MCPH1: variants seen among roughly 807,000 people sequenced by gnomAD.
The protein encoded by MCPH1 is microcephalin.
MCPH1 carries 104 observed loss-of-function variants against 84.5 expected under a neutral mutation model. The ratio of observed to expected loss-of-function variants is 1.23; its 90% CI spans 1.05 to 1.45. The LOEUF is 1.45. Ranked by LOEUF, MCPH1 falls within the 40% of genes most tolerant of loss-of-function variation. The probability of loss-of-function intolerance (pLI) is 0.00; values close to 1 mark genes in which losing one functional copy is unlikely to be tolerated. For synonymous variants in MCPH1, 514 were observed against 366.8 expected, an observed-to-expected ratio of 1.40 and a Z score of -4.58; for missense variants, 1,498 against 1,005.7, an observed-to-expected ratio of 1.49 and a Z score of -6.62.
chr8:6,639,672 A>G (rs1797796398), intron 13 of MCPH1, among the ~76,000 whole-genome samples: 1 of 152,118 alleles, frequency 6.6e-6, no homozygotes, highest in African/African-American at 2.4e-5. Context: ...CTTTAAAAAA[A>G]AAAAAAAACA....
intron 12 of MCPH1, among the ~76,000 whole-genome samples, chr8:6,554,728 G>C (rs1824286314): frequency 1.3e-5 from 2 of 152,172 alleles, no homozygotes. Flanking sequence ...TTTGGAGAAA[G>C]TAATTACCAT....
intron 12 of MCPH1, among the ~76,000 whole-genome samples, chr8:6,573,569 A>C (rs913410867): frequency 2.0e-5 from 3 of 152,236 alleles, no homozygotes; most frequent in Admixed American, 2.0e-4. Context: ...AATCCTGTGA[A>C]CTATTAAAGA....
intron 12 of MCPH1, among the ~76,000 whole-genome samples, chr8:6,595,460 G>C (rs1443297167): frequency 6.6e-6 from 1 of 152,192 alleles, no homozygotes; most frequent in African/African-American, 2.4e-5. Flanking sequence ...GTGTTCCCTG[G>C]AGAGGGAGCT....
chr8:6,618,333 T>C (rs920608015), intron 12 of MCPH1: 1 of 152,176 alleles, frequency 6.6e-6, no homozygotes, highest in African/African-American at 2.4e-5. Context: ...GGTGCTTTAT[T>C]TGCTGGATAG....
At chr8:6,488,919 C>T (rs1236812394) in intron 11 of MCPH1, among the ~76,000 whole-genome samples, 1 of 151,510 alleles carries the variant, frequency 6.6e-6, no homozygotes, top group South Asian at 2.1e-4. Flanking sequence ...GAGAGCAGGT[C>T]GGCGCCCTTC....
intron 12 of MCPH1, among the ~76,000 whole-genome samples, chr8:6,534,549 G>A (rs1007413103): frequency 2.5e-4 from 38 of 152,238 alleles, no homozygotes; most frequent in African/African-American, 7.0e-4. Flanking sequence ...GACTACGAGC[G>A]TGAGCCAGCA....
chr8:6,459,934 G>A (rs1467736220), intron 9 of MCPH1, among the ~76,000 whole-genome samples: 1 of 152,220 alleles, frequency 6.6e-6, no homozygotes, highest in Non-Finnish European at 1.5e-5. Flanking sequence ...GCCCGGGGAT[G>A]GATGCAGAAC....
intron 12 of MCPH1, among the ~76,000 whole-genome samples, chr8:6,572,856 C>G (rs762447538): frequency 6.6e-6 from 1 of 152,238 alleles, no homozygotes; most frequent in African/African-American, 2.4e-5. Context: ...AGCCCCCACA[C>G]GGGAAGCCTC....
chr8:6,624,736 A>T (rs1419246968), intron 13 of MCPH1, among the ~76,000 whole-genome samples: 2 of 152,190 alleles, frequency 1.3e-5, no homozygotes, highest in Admixed American at 6.5e-5. Flanking sequence ...GCCGCTATGT[A>T]CAAATAAAGG....
intron 12 of MCPH1, among the ~76,000 whole-genome samples, chr8:6,608,967 G>T (rs1276168756): frequency 1.3e-5 from 2 of 152,206 alleles, no homozygotes; most frequent in Admixed American, 6.5e-5. Flanking sequence ...GCTAGGATGA[G>T]CTTCTCCTCT....
At chr8:6,556,791 G>T (rs903370627) in intron 12 of MCPH1, among the ~76,000 whole-genome samples, 1 of 151,966 alleles carries the variant, frequency 6.6e-6, no homozygotes, top group African/African-American at 2.4e-5. Context: ...GTCTCACTCT[G>T]TTGACCAGGC....
At chr8:6,410,110 C>G (rs1291302781) in intron 2 of MCPH1, among the ~76,000 whole-genome samples, 2 of 151,934 alleles carry the variant, frequency 1.3e-5, no homozygotes, top group African/African-American at 2.4e-5. Flanking sequence ...TCTGGGACTA[C>G]AGGCACATGC....
intron 13 of MCPH1, among the ~76,000 whole-genome samples, chr8:6,637,126 T>C (rs1401159198): frequency 6.6e-6 from 1 of 152,250 alleles, no homozygotes; most frequent in Non-Finnish European, 1.5e-5. Context: ...AGATATTTCC[T>C]ACACACTCGT....
At chr8:6,627,651 G>A (rs1473214267) in intron 13 of MCPH1, among the ~76,000 whole-genome samples, 1 of 152,168 alleles carries the variant, frequency 6.6e-6, no homozygotes, top group Non-Finnish European at 1.5e-5. Flanking sequence ...AGCACTTTAG[G>A]AGGCCGAGGC....
At chr8:6,544,429 C>T (rs2129574280) in intron 12 of MCPH1, among the ~76,000 whole-genome samples, 1 of 152,322 alleles carries the variant, frequency 6.6e-6, no homozygotes, top group African/African-American at 2.4e-5. Context: ...GTAATTATGT[C>T]TTCCAAGACC....
chr8:6,643,145 C>T lies in MCPH1; in HGVS notation c.*96C>T, dbSNP rs529514345. 8.5e-6 allele frequency: 9 copies of T among 1,061,360 alleles called. No homozygotes were observed. The highest frequency in any genetic ancestry group is 4.8e-5 in the East Asian group (2 of 41,448). 65.7% of individuals were successfully genotyped at this position (1,061,360 alleles called of 1,614,324 possible). On this transcript the variant is annotated 3_prime_UTR_variant, in exon 14 of 14. Coordinates refer to ENST00000344683, the MANE Select transcript of MCPH1 (RefSeq NM_024596.5). ...CAAAACTGTGAAGAGAAGGAACTGG[C>T]GTATACAAGATGACTTCTGATATCA...
intron 12 of MCPH1, among the ~76,000 whole-genome samples, chr8:6,552,971 A>G (rs148180726): frequency 5.9e-5 from 9 of 152,338 alleles, no homozygotes; most frequent in African/African-American, 2.2e-4. Context: ...AGGGCTGTGC[A>G]GGTAGAGCAC....
chr8:6,542,561 G>A (rs1054059054), intron 12 of MCPH1, among the ~76,000 whole-genome samples: 5 of 151,358 alleles, frequency 3.3e-5, no homozygotes, highest in Admixed American at 6.6e-5. Flanking sequence ...ACCCCATCCC[G>A]CACTCTCATC....
chr8:6,425,178 G>T (rs1184317151), intron 3 of MCPH1, among the ~76,000 whole-genome samples: 1 of 152,196 alleles, frequency 6.6e-6, no homozygotes, highest in East Asian at 1.9e-4. Flanking sequence ...TCACAGCACG[G>T]CTTCCCGAGG....
Sources: allele counts gnomAD v4.1 joint callset (sites outside exome capture counted in the v4.1 genomes callset), GRCh38; gene constraint gnomAD v4.1.1; transcripts MANE v1.5; gene names NCBI Gene and HGNC (gene_info 2026-07-23, HGNC 2026-07-21).